Variants in ABCB5 observed in about 807,000 individuals in gnomAD.
The protein encoded by ABCB5 is ATP binding cassette subfamily B member 5, also known as ATP-binding cassette sub-family B member 5.
A neutral mutation model predicts 144.2 loss-of-function variants in ABCB5; 155 were observed. The observed-to-expected ratio is 1.08, with a 90% CI of 0.94 to 1.23. The LOEUF is 1.23. Ranked by LOEUF, ABCB5 falls within the 50% of genes most tolerant of loss-of-function variation. The pLI is 0.00. For missense variants in ABCB5, 1,830 were observed against 1,520.8 expected, an observed-to-expected ratio of 1.20 and a Z score of -3.38; for synonymous variants, 610 against 528.6, an observed-to-expected ratio of 1.15 and a Z score of -2.11.
chr7:20,675,267 A>G (rs531058597), intron 14 of ABCB5, among the ~76,000 whole-genome samples: 2 of 152,234 alleles, frequency 1.3e-5, no homozygotes, highest in African/African-American at 4.8e-5. Flanking sequence ...TAGTAATTAA[A>G]ACAGTATAGT....
At chr7:20,643,723 A>T in intron 7 of ABCB5, 91 bp downstream of exon 7, 2 of 1,406,308 alleles carry the variant, frequency 1.4e-6, no homozygotes. Flanking sequence ...TTTTCTATTC[A>T]CTTGCCATGT....
intron 20 of ABCB5, among the ~76,000 whole-genome samples, chr7:20,722,078 T>TA (rs1377704911): frequency 3.0e-4 from 45 of 152,334 alleles, no homozygotes; most frequent in African/African-American, 9.1e-4. Flanking sequence ...TAGGAAATAG[T>TA]AAAAAATGCT....
At chr7:20,733,909 G>A (rs529540643) in intron 23 of ABCB5, among the ~76,000 whole-genome samples, 23 of 152,222 alleles carry the variant, frequency 1.5e-4, no homozygotes, top group African/African-American at 4.1e-4. Context: ...CAAAGTGCTA[G>A]GATTACAGGT....
At chr7:20,683,972 G>A (rs542929157) in intron 15 of ABCB5, among the ~76,000 whole-genome samples, 7 of 174 alleles carry the variant, frequency 0.04, no homozygotes, top group Admixed American at 0.14. Context: ...ACCACTAATA[G>A]TTTTAGTCCT....
At chr7:20,748,650 CAAAAAAAAAAAAAAAAA>C (rs71020682) in intron 26 of ABCB5, among the ~76,000 whole-genome samples, 1 of 59,076 alleles carries the variant, frequency 1.7e-5, no homozygotes, top group Non-Finnish European at 2.9e-5. Flanking sequence ...GACTCCATCT[CAAAAAAAAAAAAAAAAA>C]AAAAAAAAAA....
chr7:20,714,217 T>A (rs1562575067), intron 20 of ABCB5, among the ~76,000 whole-genome samples: 1 of 152,212 alleles, frequency 6.6e-6, no homozygotes, highest in Non-Finnish European at 1.5e-5. Context: ...AATTGCATAC[T>A]GAGTTTCCTT....
intron 9 of ABCB5, among the ~76,000 whole-genome samples, chr7:20,646,366 G>A (rs1023491470): frequency 3.9e-5 from 6 of 152,102 alleles, no homozygotes; most frequent in East Asian, 1.9e-4. Flanking sequence ...TCTGCATTCC[G>A]CTTTTGGAAG....
intron 14 of ABCB5, among the ~76,000 whole-genome samples, chr7:20,676,283 G>C (rs1230343044): frequency 6.7e-6 from 1 of 150,090 alleles, no homozygotes; most frequent in African/African-American, 2.4e-5. Context: ...GTATCTCGAA[G>C]AGGTATATAC....
intron 16 of ABCB5, among the ~76,000 whole-genome samples, chr7:20,697,611 G>T (rs1419258656): frequency 1.3e-5 from 2 of 152,154 alleles, no homozygotes; most frequent in Non-Finnish European, 2.9e-5. Flanking sequence ...CCTAGGAAGG[G>T]CTGGCAGACC....
rs576597121 is a variant in ABCB5, at chr7:20,731,329, G to C, written c.2867+2874G>C. Reference sequence around the variant, plus strand: ...GATCACACCACTGCACTCCAGCCTGGGCAACAGAGCAAGACTCCAACTCAG... The same window carrying C: ...GATCACACCACTGCACTCCAGCCTGCGCAACAGAGCAAGACTCCAACTCAG... On this transcript the variant is annotated intron_variant, in intron 23 of 27. Transcript: ENST00000404938. Among the ~76,000 whole-genome samples, 99 of 144,830 alleles carry C rather than the reference G, an allele frequency of 6.8e-4. 1 individual carries two copies. Among genetic ancestry groups the C allele is most frequent in the African/African-American group, 2.2e-3 (85 of 38,392 alleles).
intron 5 of ABCB5, among the ~76,000 whole-genome samples, chr7:20,638,187 A>T (rs1784206971): frequency 6.6e-6 from 1 of 152,202 alleles, no homozygotes; most frequent in Non-Finnish European, 1.5e-5. Flanking sequence ...TTTTCACTGC[A>T]GAAAATGTGA....
chr7:20,709,351 T>C (rs1036572240), intron 20 of ABCB5, among the ~76,000 whole-genome samples: 21 of 150,240 alleles, frequency 1.4e-4, no homozygotes, highest in African/African-American at 4.9e-4. Flanking sequence ...TTATATTTTC[T>C]AGTTTTCTGA....
At chr7:20,703,401 C>A (rs903172242) in intron 19 of ABCB5, among the ~76,000 whole-genome samples, 2 of 152,146 alleles carry the variant, frequency 1.3e-5, no homozygotes, top group Non-Finnish European at 2.9e-5. Flanking sequence ...ATAGGATGCT[C>A]TTTGGGCATC....
chr7:20,747,468 G>A (rs915820351), intron 26 of ABCB5, among the ~76,000 whole-genome samples: 6 of 152,076 alleles, frequency 3.9e-5, no homozygotes, highest in African/African-American at 7.3e-5. Flanking sequence ...ATGTTGCTTA[G>A]GCTGGACTCA....
Position 20,702,118 on chromosome 7 carries a change from T to C in ABCB5, c.2337+1983T>C, listed in dbSNP as rs1056258596. 7.2e-5 allele frequency among the ~76,000 whole-genome samples: 11 copies of C among 152,250 alleles called. 1 individual carries two copies. The highest frequency in any genetic ancestry group is 5.2e-4 in the Admixed American group (8 of 15,284). On this transcript the variant is annotated intron_variant, in intron 19 of 27. Transcript: ENST00000404938. The stretch of plus-strand genomic sequence containing the variant: ...GTGTAGGTATAAAATCCATATTTTA[T>C]GTGATTACTTTAGATTCTTCCTGTT...
chr7:20,697,678 A>G (rs1324195781), intron 16 of ABCB5, among the ~76,000 whole-genome samples: 3 of 152,322 alleles, frequency 2.0e-5, no homozygotes, highest in Admixed American at 2.0e-4. Context: ...TTTGTGTAAC[A>G]TAATCCTTCC....
chr7:20,629,487 G>A (rs1417817393), intron 4 of ABCB5, among the ~76,000 whole-genome samples: 1 of 152,110 alleles, frequency 6.6e-6, no homozygotes, highest in Non-Finnish European at 1.5e-5. Flanking sequence ...TCAAGGCCGG[G>A]TGCAGTGGCT....
chr7:20,696,603 A>G (rs1410559057), intron 16 of ABCB5, among the ~76,000 whole-genome samples: 1 of 152,126 alleles, frequency 6.6e-6, no homozygotes, highest in Non-Finnish European at 1.5e-5. Flanking sequence ...CTATAACTCA[A>G]GAAAGCTCTA....
At chr7:20,644,487 C>T (rs772789038) in intron 7 of ABCB5, among the ~76,000 whole-genome samples, 12 of 152,140 alleles carry the variant, frequency 7.9e-5, no homozygotes, top group African/African-American at 2.2e-4. Flanking sequence ...ATTATGTACT[C>T]GCATTCTAAA....
Sources: allele counts gnomAD v4.1 joint callset (sites outside exome capture counted in the v4.1 genomes callset), GRCh38; gene constraint gnomAD v4.1.1; transcripts MANE v1.5; gene names NCBI Gene and HGNC (gene_info 2026-07-23, HGNC 2026-07-21).